The following ZHX2 variants were observed in gnomAD, a reference collection of about 807,000 sequenced individuals.
The protein encoded by ZHX2 is zinc fingers and homeoboxes 2.
Under a neutral mutation model 21.9 loss-of-function variants are expected in ZHX2, and 6 were observed. The ratio of observed to expected loss-of-function variants is 0.27; its 90% CI spans 0.15 to 0.54. ZHX2 has a LOEUF of 0.54. Among genes scored for constraint, ZHX2 ranks in the 20% least tolerant of loss-of-function variants. The pLI is 0.95. For missense variants in ZHX2, 908 were observed against 1,090.7 expected (o/e 0.83, Z 2.36); for synonymous variants, 434 against 437.1 (o/e 0.99, Z 0.09).
At chr8:122,794,475 T>A (rs1282633002) in intron 1 of ZHX2, among the ~76,000 whole-genome samples, 2 of 152,162 alleles carry the variant, frequency 1.3e-5, no homozygotes, top group African/African-American at 2.4e-5. Context: ...TTTCAAGAGC[T>A]TTGCAGGTAG....
At chr8:122,811,298 G>C (rs534103855) in intron 1 of ZHX2, among the ~76,000 whole-genome samples, 1 of 152,078 alleles carries the variant, frequency 6.6e-6, no homozygotes, top group African/African-American at 2.4e-5. Context: ...GGAAAATTGC[G>C]TGAGCCCAGG....
intron 2 of ZHX2, among the ~76,000 whole-genome samples, chr8:122,917,055 CGTCCTCCCT>C (rs1820622067): frequency 6.6e-6 from 1 of 152,180 alleles, no homozygotes; most frequent in African/African-American, 2.4e-5. Context: ...CAGCCAGTGA[CGTCCTCCCT>C]GTCATCCAGC....
At chr8:122,831,958 G>A (rs1818387792) in intron 1 of ZHX2, among the ~76,000 whole-genome samples, 1 of 152,182 alleles carries the variant, frequency 6.6e-6, no homozygotes, top group Admixed American at 6.5e-5. Context: ...TAGTGTGCAT[G>A]TGGGGTGGTG....
chr8:122,899,061 G>T (rs747332612), intron 2 of ZHX2, among the ~76,000 whole-genome samples: 1 of 152,184 alleles, frequency 6.6e-6, no homozygotes. Flanking sequence ...AACAGCCATG[G>T]AACACCTATG....
intron 1 of ZHX2, among the ~76,000 whole-genome samples, chr8:122,824,404 T>G (rs79962891): frequency 2.0e-5 from 3 of 152,134 alleles, no homozygotes; most frequent in Non-Finnish European, 2.9e-5. Flanking sequence ...CATGGAGAGA[T>G]ATTGTCCAAT....
chr8:122,945,666 C>A (rs1187325422), intron 2 of ZHX2, among the ~76,000 whole-genome samples: 1 of 152,114 alleles, frequency 6.6e-6, no homozygotes, highest in South Asian at 2.1e-4. Context: ...TTAGTTATCC[C>A]ACGAGGAGCA....
chr8:122,874,500 A>AT (rs35296867), intron 2 of ZHX2, among the ~76,000 whole-genome samples: 37,080 of 151,884 alleles, frequency 0.24, 5,374 homozygotes, highest in East Asian at 0.41. Context: ...CGCCCAGCTA[A>AT]TTTTGTATTT....
At chr8:122,845,755 C>T (rs1818737528) in intron 1 of ZHX2, among the ~76,000 whole-genome samples, 1 of 152,130 alleles carries the variant, frequency 6.6e-6, no homozygotes, top group South Asian at 2.1e-4. Context: ...ATTACTCTGC[C>T]CATTTCACAG....
intron 1 of ZHX2, among the ~76,000 whole-genome samples, chr8:122,825,079 GA>G (rs1231472480): frequency 1.3e-5 from 2 of 152,202 alleles, no homozygotes; most frequent in Non-Finnish European, 2.9e-5. Flanking sequence ...TCAAGATCCT[GA>G]ACCTAATCGC....
At chr8:122,967,150 A>C (rs1184537136) in intron 3 of ZHX2, among the ~76,000 whole-genome samples, 1 of 152,204 alleles carries the variant, frequency 6.6e-6, no homozygotes, top group African/African-American at 2.4e-5. Flanking sequence ...TTTTTCTGGC[A>C]ATTCAGATTT....
chr8:122,892,222 A>G (rs1819997949), intron 2 of ZHX2, among the ~76,000 whole-genome samples: 1 of 152,000 alleles, frequency 6.6e-6, no homozygotes, highest in Non-Finnish European at 1.5e-5. Flanking sequence ...AGTCTATTTT[A>G]TCTAATATAA....
At chr8:122,895,847 C>T (rs1165191831) in intron 2 of ZHX2, among the ~76,000 whole-genome samples, 1 of 152,080 alleles carries the variant, frequency 6.6e-6, no homozygotes, top group African/African-American at 2.4e-5. Context: ...GATTCTAGTA[C>T]CCCCAGCCCT....
At chr8:122,786,401 C>T (rs1386464568) in intron 1 of ZHX2, among the ~76,000 whole-genome samples, 1 of 152,186 alleles carries the variant, frequency 6.6e-6, no homozygotes, top group East Asian at 1.9e-4. Context: ...CAAGGGCCAG[C>T]CTCTCTGATT....
intron 1 of ZHX2, among the ~76,000 whole-genome samples, chr8:122,840,639 A>G (rs1818602816): frequency 1.3e-5 from 2 of 152,208 alleles, no homozygotes; most frequent in Non-Finnish European, 2.9e-5. Context: ...TGCATACTCA[A>G]TAAATAAGAG....
chr8:122,792,838 G>T (rs1817543744), intron 1 of ZHX2, among the ~76,000 whole-genome samples: 1 of 152,132 alleles, frequency 6.6e-6, no homozygotes, highest in Non-Finnish European at 1.5e-5. Flanking sequence ...ACAAGTGCAG[G>T]GTGGCACCCG....
chr8:122,906,449 C>T (rs756603942), intron 2 of ZHX2, among the ~76,000 whole-genome samples: 4 of 152,118 alleles, frequency 2.6e-5, no homozygotes, highest in African/African-American at 4.8e-5. Context: ...GATGGGGAAT[C>T]GTAGCTGCGA....
intron 2 of ZHX2, among the ~76,000 whole-genome samples, chr8:122,920,549 TG>T (rs550386527): frequency 4.9e-4 from 74 of 152,176 alleles, no homozygotes; most frequent in African/African-American, 1.6e-3. Context: ...TGGAAAGCAA[TG>T]GATTTGTCTG....
intron 1 of ZHX2, chr8:122,808,657 G>C (rs1817868852): frequency 6.6e-6 from 1 of 152,202 alleles, no homozygotes; most frequent in African/African-American, 2.4e-5. Flanking sequence ...TAGAGCACTG[G>C]CTGTGGTCAG....
chr8:122,842,943 G>A (rs1348691179), intron 1 of ZHX2, among the ~76,000 whole-genome samples: 2 of 152,200 alleles, frequency 1.3e-5, no homozygotes, highest in East Asian at 3.8e-4. Context: ...CAACAGGTTG[G>A]GGCAGGTGAG....
Sources: allele counts gnomAD v4.1 joint callset (sites outside exome capture counted in the v4.1 genomes callset), GRCh38; gene constraint gnomAD v4.1.1; transcripts MANE v1.5; gene names NCBI Gene and HGNC (gene_info 2026-07-23, HGNC 2026-07-21).